Variants in DYRK1A observed in about 807,000 individuals in gnomAD.
The protein encoded by DYRK1A is dual specificity tyrosine phosphorylation regulated kinase 1A.
Under a neutral mutation model 79.7 loss-of-function variants are expected in DYRK1A, and 9 were observed. The observed-to-expected ratio is 0.11, with a 90% CI of 0.07 to 0.20. DYRK1A has a LOEUF of 0.20. DYRK1A is among the 10% of genes least tolerant of loss of function. The pLI is 1.00. For synonymous variants in DYRK1A, 349 were observed against 329.7 expected (o/e 1.06, Z -0.63); for missense variants, 622 against 956.0 (o/e 0.65, Z 4.61).
intron 2 of DYRK1A, among the ~76,000 whole-genome samples, chr21:37,429,554 C>T (rs73218414): frequency 0.075 from 11,460 of 152,168 alleles, 641 homozygotes; most frequent in Non-Finnish European, 0.11. Flanking sequence ...TTCTAGACAA[C>T]CAGATCTCGC....
chr21:37,400,777 A>G (rs938823838), intron 1 of DYRK1A, among the ~76,000 whole-genome samples: 2 of 152,184 alleles, frequency 1.3e-5, no homozygotes, highest in East Asian at 1.9e-4. Flanking sequence ...TGACTGAGAA[A>G]GTGCAGATTG....
chr21:37,507,793 G>T (rs893488290), intron 11 of DYRK1A, among the ~76,000 whole-genome samples: 1 of 151,864 alleles, frequency 6.6e-6, no homozygotes, highest in Non-Finnish European at 1.5e-5. Context: ...ATGTTTCCTG[G>T]ATGATTTCAG....
intron 2 of DYRK1A, among the ~76,000 whole-genome samples, chr21:37,449,083 C>G (rs1022269658): frequency 6.6e-6 from 1 of 152,124 alleles, no homozygotes; most frequent in African/African-American, 2.4e-5. Flanking sequence ...AAAAAGTCTA[C>G]TCTCTCAAAA....
Position 37,458,487 on chromosome 21 carries a change from CTG to C in DYRK1A, c.11-14191_11-14190del, listed in dbSNP as rs145282755. 2.6e-3 allele frequency among the ~76,000 whole-genome samples: 400 copies of C among 152,202 alleles called. 2 individuals are homozygous for C. The highest frequency in any genetic ancestry group is 9.3e-3 in the African/African-American group (388 of 41,522). ...GCACATTTCCTGTCCCCTGGCAACT[CTG>C]TGTGTAACGTTTCAAACCCAAGGCA... On this transcript the variant is annotated intron_variant, in intron 2 of 11. Coordinates refer to ENST00000647188, the MANE Select transcript of DYRK1A (RefSeq NM_001347721.2).
chr21:37,478,110 ATACATGCAGGT>A (rs2052465979), intron 3 of DYRK1A, 87 bp from the exon 4 acceptor site: 1 of 1,511,144 alleles, frequency 6.6e-7, no homozygotes, highest in Admixed American at 2.0e-5. Flanking sequence ...AAAAAAGTAG[ATACATGCAGGT>A]TACAGAAGAG....
At chr21:37,372,929 A>G (rs1268381086) in intron 1 of DYRK1A, among the ~76,000 whole-genome samples, 2 of 152,152 alleles carry the variant, frequency 1.3e-5, no homozygotes, top group Non-Finnish European at 2.9e-5. Context: ...TTATTCATAT[A>G]TGTTCTTATA....
chr21:37,507,231 T>A (rs2053623183), intron 11 of DYRK1A, among the ~76,000 whole-genome samples: 1 of 152,180 alleles, frequency 6.6e-6, no homozygotes, highest in Non-Finnish European at 1.5e-5. Context: ...TGTGTTTCTT[T>A]CTGCCTAAGG....
At chr21:37,388,684 G>A (rs750530713) in intron 1 of DYRK1A, among the ~76,000 whole-genome samples, 1 of 149,852 alleles carries the variant, frequency 6.7e-6, no homozygotes, top group Non-Finnish European at 1.5e-5. Context: ...TCGCTCTGTC[G>A]CCCAGGCTGG....
intron 5 of DYRK1A, among the ~76,000 whole-genome samples, chr21:37,482,966 C>CT (rs941894881): frequency 2.0e-5 from 3 of 152,110 alleles, no homozygotes; most frequent in African/African-American, 7.2e-5. Flanking sequence ...TTATCCTGTT[C>CT]TTTTTTCAAG....
intron 2 of DYRK1A, among the ~76,000 whole-genome samples, chr21:37,421,489 C>T (rs1415052592): frequency 1.3e-5 from 2 of 151,852 alleles, no homozygotes. Flanking sequence ...ATTTTAAGAC[C>T]GATGTTAATT....
rs1205617246 is a variant in DYRK1A, at chr21:37,518,720, A to C, written c.*6189A>C. On this transcript the variant is annotated 3_prime_UTR_variant, in exon 12 of 12. Transcript: ENST00000647188. ...AACCTCCATTTCCCAGATTCAAGCGATTCTCGTGCCTCAGCCTTTCAAGTA... is the reference window on the plus strand; with the variant it reads ...AACCTCCATTTCCCAGATTCAAGCGCTTCTCGTGCCTCAGCCTTTCAAGTA... The C allele has an allele frequency of 6.7e-6, 1 of 149,332 alleles. No individual in the cohort carries two copies. Among genetic ancestry groups the C allele is most frequent in the African/African-American group, 2.5e-5 (1 of 40,204 alleles). 9.3% of individuals were successfully genotyped at this position (149,332 alleles called of 1,614,324 possible). A position where few individuals can be genotyped will look rare whatever the true frequency, so the allele number is the denominator to read the frequency against.
chr21:37,519,141 C>T lies in DYRK1A; in HGVS notation c.*6610C>T, dbSNP rs2148672752. 6.6e-6 allele frequency: 1 copy of T among 152,272 alleles called. No homozygotes were observed. The highest frequency in any genetic ancestry group is 2.1e-4 in the South Asian group (1 of 4,818). 9.4% of individuals were successfully genotyped at this position (152,272 alleles called of 1,614,324 possible). A position where few individuals can be genotyped will look rare whatever the true frequency, so the allele number is the denominator to read the frequency against. On this transcript the variant is annotated 3_prime_UTR_variant, in exon 12 of 12. Coordinates refer to ENST00000647188, the MANE Select transcript of DYRK1A (RefSeq NM_001347721.2). ...CTATTCATTAATAGCTCTCAGATGT[C>T]CCATGAGAATGGCACATGTTATTTC...
intron 1 of DYRK1A, among the ~76,000 whole-genome samples, chr21:37,397,458 A>G (rs1247071206): frequency 2.0e-5 from 3 of 152,220 alleles, no homozygotes; most frequent in African/African-American, 7.2e-5. Flanking sequence ...TCTAATTAAA[A>G]GTCCAGTGAA....
At chr21:37,463,574 G>T (rs1447188677) in intron 2 of DYRK1A, among the ~76,000 whole-genome samples, 2 of 152,048 alleles carry the variant, frequency 1.3e-5, no homozygotes, top group Non-Finnish European at 2.9e-5. Context: ...CTCTCTCAAT[G>T]ATTTCTTCAC....
rs1050718269 is a variant in DYRK1A, at chr21:37,440,266, G to A, written c.10+19882G>A. On this transcript the variant is annotated intron_variant, in intron 2 of 11. Coordinates refer to ENST00000647188, the MANE Select transcript of DYRK1A (RefSeq NM_001347721.2). ...TTCTCCTGCCTCAGCCTCCTGAGTA[G>A]CTGGGACTACAGTTGTGTGCCACTA... Among the ~76,000 whole-genome samples the A allele has an allele frequency of 1.3e-4, 19 of 150,452 alleles. 1 individual carries two copies. The highest frequency in any genetic ancestry group is 4.7e-4 in the African/African-American group (19 of 40,856).
intron 1 of DYRK1A, among the ~76,000 whole-genome samples, chr21:37,404,184 G>T (rs2050108456): frequency 6.6e-6 from 1 of 152,164 alleles, no homozygotes; most frequent in African/African-American, 2.4e-5. Context: ...AATATAAATT[G>T]ATGTAAGGAA....
rs367984873 is a variant in DYRK1A at position 37,472,800 on chromosome 21, C to T, written c.127C>T (p.Arg43Cys). 32 of 1,610,156 alleles carry T rather than the reference C, an allele frequency of 2.0e-5. No homozygotes were observed. Among genetic ancestry groups the T allele is most frequent in the South Asian group, 1.9e-4 (17 of 90,728 alleles). Residue 43 changes from arginine (R) to cysteine (C), a missense_variant, in exon 3 of 12, where the codon CGT becomes TGT. Arg to Cys is a radical substitution (Grantham distance 180, BLOSUM62 -3). Around this residue, in one of 5 missense-constraint regions of DYRK1A, gnomAD observed 91 missense variants for 113.8 expected, o/e 0.80. Transcript: ENST00000647188. ...QMPHSHQYSDRRQPNISDQQV... is the reference protein window; with the variant it reads ...QMPHSHQYSDCRQPNISDQQV... ...GCCCCATTCACATCAGTACAGTGAC[C>T]GTCGCCAGCCAAACATAAGTGACCA...
intron 2 of DYRK1A, among the ~76,000 whole-genome samples, chr21:37,468,476 T>G (rs1460256967): frequency 1.3e-5 from 2 of 152,148 alleles, no homozygotes; most frequent in South Asian, 2.1e-4. Flanking sequence ...TATTGTAATT[T>G]AGGTAGTGTC....
intron 3 of DYRK1A, among the ~76,000 whole-genome samples, chr21:37,476,474 GAAACCTCACATT>G (rs1404245488): frequency 6.6e-6 from 1 of 152,124 alleles, no homozygotes; most frequent in Non-Finnish European, 1.5e-5. Context: ...CAGATTTTGT[GAAACCTCACATT>G]TAGGCTGCAC....
Sources: gnomAD v4.1 joint callset for allele counts (sites outside exome capture counted in the v4.1 genomes callset) on GRCh38, gnomAD v4.1.1 for gene constraint, gnomAD v4.1.1 regional missense constraint, MANE v1.5 for transcripts, NCBI Gene and HGNC (gene_info 2026-07-23, HGNC 2026-07-21) for gene names.